Variants in NTM observed in about 807,000 individuals in gnomAD.
The protein encoded by NTM is IgLON family member 2.
A neutral mutation model predicts 42.1 loss-of-function variants in NTM; 13 were observed. The observed-to-expected ratio is 0.31, with a 90% CI of 0.20 to 0.49. The LOEUF (loss-of-function observed/expected upper bound fraction) is 0.49, where lower values mean the gene tolerates loss of function less well. NTM is among the 20% of genes least tolerant of loss of function. The pLI is 0.99. For synonymous variants in NTM, 187 were observed against 179.2 expected (o/e 1.04, Z -0.35); for missense variants, 373 against 452.8 (o/e 0.82, Z 1.60).
At chr11:132,070,186 C>G (rs2057321368) in intron 2 of NTM, among the ~76,000 whole-genome samples, 1 of 146,678 alleles carries the variant, frequency 6.8e-6, no homozygotes, top group Admixed American at 6.8e-5. Context: ...TAACACGTCA[C>G]ACAGCCAAGT....
intron 1 of NTM, among the ~76,000 whole-genome samples, chr11:131,571,311 A>C (rs1333256614): frequency 1.3e-5 from 2 of 152,232 alleles, no homozygotes; most frequent in Non-Finnish European, 2.9e-5. Context: ...GTGACATTGC[A>C]GTGGCTCCAA....
chr11:131,467,283 G>C (rs759225025), intron 1 of NTM, among the ~76,000 whole-genome samples: 7 of 152,154 alleles, frequency 4.6e-5, no homozygotes, highest in Non-Finnish European at 1.0e-4. Context: ...CCTTGCTCCT[G>C]ACAATCATGC....
At position 132,331,051 on chromosome 11, in the gene NTM, G is replaced by A. The variant is rs143142876; in HGVS notation, c.967+866G>A. Among the ~76,000 whole-genome samples the A allele has an allele frequency of 4.2e-3, 633 of 152,348 alleles. 5 individuals carry two copies. Among genetic ancestry groups the A allele is most frequent in the African/African-American group, 0.014 (571 of 41,590 alleles). ...GGGATGGCCTGCGGGAAGCAGCCCA[G>A]TGGCACGCCTGCGGTTCTCACCTTT... On this transcript the variant is annotated intron_variant, in intron 8 of 8. Transcript: ENST00000683400.
intron 1 of NTM, among the ~76,000 whole-genome samples, chr11:131,435,163 A>G (rs2135938845): frequency 6.6e-6 from 1 of 152,266 alleles, no homozygotes; most frequent in Non-Finnish European, 1.5e-5. Context: ...CTGTTTTGGT[A>G]CCAGTACCAT....
intron 2 of NTM, among the ~76,000 whole-genome samples, chr11:132,043,308 T>C (rs566143372): frequency 6.6e-6 from 1 of 152,326 alleles, no homozygotes; most frequent in African/African-American, 2.4e-5. Flanking sequence ...TGTGTTCTGG[T>C]TAATGAGTTT....
intron 1 of NTM, among the ~76,000 whole-genome samples, chr11:131,888,999 A>T (rs1190090265): frequency 2.0e-5 from 3 of 151,742 alleles, no homozygotes; most frequent in Admixed American, 1.3e-4. Context: ...CTGCAGCAGC[A>T]TTGAGTGCTA....
chr11:131,851,532 C>CGCGTGTGTGTGT (rs147213224), intron 1 of NTM, among the ~76,000 whole-genome samples: 12 of 146,702 alleles, frequency 8.2e-5, no homozygotes, highest in African/African-American at 2.3e-4. Flanking sequence ...GTGAGAATGG[C>CGCGTGTGTGTGT]GTGTGTGTGT....
chr11:132,138,942 G>T lies in NTM; in HGVS notation c.168-7340G>T, dbSNP rs981794105. On this transcript the variant is annotated intron_variant, in intron 2 of 8. Transcript: ENST00000683400. ...TGGCATCCCATAGTTCAGTCAAATT[G>T]ACACAGAGAATTAATCATCACCGAA... Among the ~76,000 whole-genome samples, 10 of 152,274 alleles carry T rather than the reference G, an allele frequency of 6.6e-5. 1 individual carries two copies. Among genetic ancestry groups the T allele is most frequent in the Middle Eastern group, 6.8e-3 (2 of 294 alleles).
At chr11:132,305,488 G>C (rs1039934547) in intron 4 of NTM, among the ~76,000 whole-genome samples, 2 of 152,172 alleles carry the variant, frequency 1.3e-5, no homozygotes, top group Non-Finnish European at 2.9e-5. Flanking sequence ...AGATGGTGTA[G>C]GGCAAGCCTA....
At chr11:131,905,795 G>T (rs533133569) in intron 1 of NTM, among the ~76,000 whole-genome samples, 1 of 152,094 alleles carries the variant, frequency 6.6e-6, no homozygotes, top group East Asian at 1.9e-4. Context: ...CTGTTGAGTT[G>T]ATGAAGGGCT....
intron 4 of NTM, among the ~76,000 whole-genome samples, chr11:132,213,030 A>G (rs1214790446): frequency 1.3e-5 from 2 of 152,174 alleles, no homozygotes; most frequent in Non-Finnish European, 2.9e-5. Context: ...GTGTTGACAG[A>G]ATGACAAGAG....
chr11:132,110,806 G>A (rs2063063245), intron 2 of NTM, among the ~76,000 whole-genome samples: 2 of 151,704 alleles, frequency 1.3e-5, no homozygotes, highest in African/African-American at 2.4e-5. Flanking sequence ...AGGCTGAGGT[G>A]GGAGGATCAC....
intron 1 of NTM, among the ~76,000 whole-genome samples, chr11:131,490,620 G>A (rs891041747): frequency 6.6e-6 from 1 of 152,174 alleles, no homozygotes; most frequent in Admixed American, 6.5e-5. Context: ...AAAGAGCTAA[G>A]AGAAACAGGG....
At chr11:132,054,681 A>C (rs2079349533) in intron 2 of NTM, among the ~76,000 whole-genome samples, 1 of 152,186 alleles carries the variant, frequency 6.6e-6, no homozygotes, top group African/African-American at 2.4e-5. Context: ...AGACCCAAAG[A>C]AAGAGAAAGG....
At chr11:131,785,928 T>A (rs4937654) in intron 1 of NTM, among the ~76,000 whole-genome samples, 1 of 151,958 alleles carries the variant, frequency 6.6e-6, no homozygotes, top group Non-Finnish European at 1.5e-5. Context: ...AACAGGTACC[T>A]GTAGTGCAGG....
At chr11:131,581,883 G>C (rs889724555) in intron 1 of NTM, 2 of 152,144 alleles carry the variant, frequency 1.3e-5, no homozygotes, top group African/African-American at 4.8e-5. Context: ...CAGGGCCCGA[G>C]ACTGCCCCTC....
chr11:131,925,068 AT>A (rs1248603081), intron 2 of NTM, among the ~76,000 whole-genome samples: 1 of 152,210 alleles, frequency 6.6e-6, no homozygotes, highest in African/African-American at 2.4e-5. Context: ...TGTCTGCTTT[AT>A]TCTACAGGAA....
intron 1 of NTM, among the ~76,000 whole-genome samples, chr11:131,412,648 G>A (rs557897902): frequency 3.9e-5 from 6 of 152,260 alleles, no homozygotes; most frequent in African/African-American, 1.4e-4. Context: ...GAGTGATGTG[G>A]TTTATTGATG....
At chr11:132,275,190 A>G (rs571871496) in intron 4 of NTM, among the ~76,000 whole-genome samples, 3 of 152,208 alleles carry the variant, frequency 2.0e-5, no homozygotes, top group African/African-American at 7.2e-5. Flanking sequence ...TAGATGTACA[A>G]TCCATTTCAG....
Sources: gnomAD v4.1 joint callset for allele counts (sites outside exome capture counted in the v4.1 genomes callset) on GRCh38, gnomAD v4.1.1 for gene constraint, MANE v1.5 for transcripts, NCBI Gene and HGNC (gene_info 2026-07-23, HGNC 2026-07-21) for gene names.